Variants in STK32B observed in about 807,000 individuals in gnomAD.
The protein encoded by STK32B is serine/threonine kinase 32B.
Under a neutral mutation model 52.6 loss-of-function variants are expected in STK32B, and 43 were observed. The observed-to-expected ratio is 0.82, with a 90% confidence interval of 0.64 to 1.05. The LOEUF (loss-of-function observed/expected upper bound fraction) is 1.05, where lower values mean the gene tolerates loss of function less well. Ranked by LOEUF, STK32B falls within the 50% of genes least tolerant of loss-of-function variation. STK32B has a pLI of 0.00. For synonymous variants in STK32B, 238 were observed against 204.3 expected, an observed-to-expected ratio of 1.17 and a Z score of -1.41; for missense variants, 621 against 534.6, an observed-to-expected ratio of 1.16 and a Z score of -1.59.
chr4:5,420,912 T>C (rs1011429155), intron 6 of STK32B, among the ~76,000 whole-genome samples: 5 of 152,112 alleles, frequency 3.3e-5, no homozygotes, highest in African/African-American at 1.2e-4. Context: ...TTGTTTTGTT[T>C]TTTTAAGACA....
intron 3 of STK32B, among the ~76,000 whole-genome samples, chr4:5,240,123 T>G (rs1489147313): frequency 6.6e-6 from 1 of 151,988 alleles, no homozygotes; most frequent in Non-Finnish European, 1.5e-5. Flanking sequence ...TTGACATGTT[T>G]GACTTCCATG....
At chr4:5,069,719 G>A (rs1711637293) in intron 1 of STK32B, among the ~76,000 whole-genome samples, 1 of 152,136 alleles carries the variant, frequency 6.6e-6, no homozygotes, top group South Asian at 2.1e-4. Context: ...TACACAGTCT[G>A]GCAGTAATAA....
At position 5,271,612 on chromosome 4, in the gene STK32B, G is replaced by A. The variant is rs532389229; in HGVS notation, c.261-59608G>A. ...CCTTGGGCAGTATGGCCATTTTCAC[G>A]ATATTGATTCTTCCTACCCATGAGC... On this transcript the variant is annotated intron_variant, in intron 3 of 11. Transcript: ENST00000282908. Among the ~76,000 whole-genome samples, 24 of 147,532 alleles carry A rather than the reference G, an allele frequency of 1.6e-4. No homozygotes were observed. The South Asian group carries it at 3.3e-3, about 20-fold the overall frequency.
At chr4:5,065,271 G>A (rs1421314518) in intron 1 of STK32B, among the ~76,000 whole-genome samples, 1 of 152,284 alleles carries the variant, frequency 6.6e-6, no homozygotes, top group African/African-American at 2.4e-5. Context: ...ACTCTAGGAG[G>A]TATAGAAGCA....
At chr4:5,175,514 T>G (rs1366460844) in intron 3 of STK32B, among the ~76,000 whole-genome samples, 1 of 152,230 alleles carries the variant, frequency 6.6e-6, no homozygotes, top group Non-Finnish European at 1.5e-5. Flanking sequence ...TAGTTTTCCT[T>G]CTAACAGTCA....
intron 3 of STK32B, among the ~76,000 whole-genome samples, chr4:5,170,375 T>A (rs1056454105): frequency 1.3e-5 from 2 of 152,198 alleles, no homozygotes; most frequent in African/African-American, 4.8e-5. Context: ...TTGTTACATA[T>A]GTATACATGT....
At chr4:5,086,762 G>A (rs754553666) in intron 1 of STK32B, among the ~76,000 whole-genome samples, 1 of 152,152 alleles carries the variant, frequency 6.6e-6, no homozygotes, top group Non-Finnish European at 1.5e-5. Context: ...ATCAAACTCT[G>A]TGGAGGCCAG....
At position 5,321,444 on chromosome 4, in the gene STK32B, A is replaced by T. The variant is rs548953284; in HGVS notation, c.261-9776A>T. Reference sequence around the variant, plus strand: ...CAGTTTGGCTTCATCTTATTTAATCAAGTGGTGAGGGCTGTGTTGGTCATT... The same window carrying T: ...CAGTTTGGCTTCATCTTATTTAATCTAGTGGTGAGGGCTGTGTTGGTCATT... On this transcript the variant is annotated intron_variant, in intron 3 of 11. Transcript: ENST00000282908. Among the ~76,000 whole-genome samples, 6 of 152,250 alleles carry T rather than the reference A, an allele frequency of 3.9e-5. No individual in the cohort carries two copies. The South Asian group carries it at 1.2e-3, about 32-fold the overall frequency.
intron 2 of STK32B, among the ~76,000 whole-genome samples, chr4:5,143,327 C>T (rs1286854813): frequency 2.6e-5 from 4 of 152,276 alleles, no homozygotes; most frequent in East Asian, 3.9e-4. Flanking sequence ...TTACTCTTGT[C>T]TCCTTGGTGC....
rs145638614 is a variant in STK32B, at chr4:5,151,940, A to C, written c.108+11980A>C. On this transcript the variant is annotated intron_variant, in intron 2 of 11. Transcript: ENST00000282908. ...CCTCCTCATGTCACTGTGGTCCCCA[A>C]TTCACTTGAGATGACCATATGATGT... Among the ~76,000 whole-genome samples, 496 of 152,228 alleles carry C rather than the reference A, an allele frequency of 3.3e-3. 6 individuals are homozygous for C. Among genetic ancestry groups the C allele is most frequent in the African/African-American group, 0.011 (442 of 41,522 alleles).
chr4:5,042,770 G>A, the STK32B span, among the ~76,000 whole-genome samples: 2 of 152,290 alleles, frequency 1.3e-5, no homozygotes, highest in Admixed American at 1.3e-4. Context: ...TCCCGTCCCT[G>A]ACAAAAAGCA....
intron 3 of STK32B, among the ~76,000 whole-genome samples, chr4:5,258,758 T>C (rs1726504980): frequency 6.6e-6 from 1 of 152,180 alleles, no homozygotes; most frequent in Non-Finnish European, 1.5e-5. Context: ...ACCCCAATTG[T>C]CCCTTTGCCC....
intron 3 of STK32B, among the ~76,000 whole-genome samples, chr4:5,223,629 T>G (rs1723676325): frequency 1.3e-5 from 2 of 151,792 alleles, no homozygotes; most frequent in Admixed American, 1.3e-4. Flanking sequence ...CTGGTTAACA[T>G]GGTGAAACCC....
At chr4:5,238,481 T>C (rs944413850) in intron 3 of STK32B, among the ~76,000 whole-genome samples, 2 of 152,134 alleles carry the variant, frequency 1.3e-5, no homozygotes, top group African/African-American at 4.8e-5. Context: ...GCAAAGACTC[T>C]TTTTACATTT....
chr4:5,327,299 T>G (rs1241123590), intron 3 of STK32B, among the ~76,000 whole-genome samples: 2 of 150,902 alleles, frequency 1.3e-5, no homozygotes, highest in Non-Finnish European at 2.9e-5. Flanking sequence ...GAATCATGAA[T>G]GTTCTTAATG....
intron 4 of STK32B, among the ~76,000 whole-genome samples, chr4:5,344,931 C>T (rs535343040): frequency 4.0e-5 from 6 of 151,872 alleles, no homozygotes; most frequent in East Asian, 1.9e-4. Flanking sequence ...TACAAGGCTA[C>T]GTGGGAGGCT....
chr4:5,357,503 T>C (rs562429293), intron 4 of STK32B, among the ~76,000 whole-genome samples: 4 of 151,978 alleles, frequency 2.6e-5, no homozygotes, highest in African/African-American at 9.7e-5. Flanking sequence ...TTTTAGGAGA[T>C]GATGACCCAG....
At chr4:5,251,862 T>G (rs906721036) in intron 3 of STK32B, among the ~76,000 whole-genome samples, 1 of 152,188 alleles carries the variant, frequency 6.6e-6, no homozygotes, top group Non-Finnish European at 1.5e-5. Flanking sequence ...TGATAATATG[T>G]CAAACTGCAT....
intron 2 of STK32B, among the ~76,000 whole-genome samples, chr4:5,151,677 A>G (rs747830449): frequency 6.6e-6 from 1 of 152,208 alleles, no homozygotes; most frequent in Non-Finnish European, 1.5e-5. Flanking sequence ...ATTAATTTCT[A>G]TATAACCAGT....
Sources: gnomAD v4.1 joint callset for allele counts (sites outside exome capture counted in the v4.1 genomes callset) on GRCh38, gnomAD v4.1.1 for gene constraint, MANE v1.5 for transcripts, NCBI Gene and HGNC (gene_info 2026-07-23, HGNC 2026-07-21) for gene names.